TC2N: variants seen among roughly 807,000 people sequenced by gnomAD.
TC2N encodes the protein tandem C2 domains nuclear protein.
TC2N carries 51 observed loss-of-function variants against 61.9 expected under a neutral mutation model. The ratio of observed to expected loss-of-function variants is 0.82; its 90% CI spans 0.66 to 1.04. TC2N has a LOEUF of 1.04. Among genes scored for constraint, TC2N ranks in the 50% least tolerant of loss-of-function variants. The pLI is 0.00. For synonymous variants in TC2N, 204 were observed against 192.6 expected (o/e 1.06, Z -0.49); for missense variants, 556 against 566.7 (o/e 0.98, Z 0.19).
At chr14:91,833,727 G>T (rs1191275482) in intron 1 of TC2N, among the ~76,000 whole-genome samples, 1 of 152,136 alleles carries the variant, frequency 6.6e-6, no homozygotes, top group Admixed American at 6.5e-5. Flanking sequence ...TTATGCATAT[G>T]TTTTACTTTC....
intron 1 of TC2N, among the ~76,000 whole-genome samples, chr14:91,819,986 G>A (rs1775003302): frequency 6.6e-6 from 1 of 151,538 alleles, no homozygotes; most frequent in South Asian, 2.1e-4. Flanking sequence ...AAAGAAAGGG[G>A]GAACAAAGAA....
At chr14:91,822,090 A>G (rs1482666530) in intron 1 of TC2N, among the ~76,000 whole-genome samples, 1 of 152,210 alleles carries the variant, frequency 6.6e-6, no homozygotes, top group Non-Finnish European at 1.5e-5. Context: ...AAACAGTTTG[A>G]CAAGTTTCTA....
rs145086442 is a variant in TC2N at position 91,856,270 on chromosome 14, C to T, written c.-57+10992G>A. Among the ~76,000 whole-genome samples, 936 of 152,238 alleles carry T rather than the reference C, an allele frequency of 6.1e-3. 12 individuals carry two copies. Among genetic ancestry groups the T allele is most frequent in the African/African-American group, 0.021 (884 of 41,544 alleles). ...TTGGGAGGCAGAGGTGGGCGAATCA[C>T]TTGAGGTCAGGAGTTTGAGACCAGC... On this transcript the variant is annotated intron_variant, in intron 1 of 11. Coordinates refer to ENST00000435962, the MANE Select transcript of TC2N (RefSeq NM_001128596.3).
chr14:91,797,582 T>A (rs1885959187), intron 8 of TC2N, among the ~76,000 whole-genome samples: 1 of 152,002 alleles, frequency 6.6e-6, no homozygotes, highest in African/African-American at 2.4e-5. Flanking sequence ...AATAAGATAT[T>A]CTTTTTAAAT....
At chr14:91,826,826 T>C (rs1191681028) in intron 1 of TC2N, among the ~76,000 whole-genome samples, 1 of 152,206 alleles carries the variant, frequency 6.6e-6, no homozygotes, top group Non-Finnish European at 1.5e-5. Context: ...ACTTTTTAAT[T>C]TCTAGAAATG....
chr14:91,823,378 G>C (rs993258501), intron 1 of TC2N, among the ~76,000 whole-genome samples: 19 of 151,652 alleles, frequency 1.3e-4, no homozygotes, highest in African/African-American at 4.4e-4. Context: ...AAATTAGTTG[G>C]GCATGGTGGC....
Position 91,784,545 on chromosome 14 carries a change from G to A in TC2N, c.1362+617C>T, listed in dbSNP as rs181074829. ...GAATTTAAATGTGGTTCAAACAATC[G>A]TAATTAAGGTAAAAGATAATGGACA... On this transcript the variant is annotated intron_variant, in intron 11 of 11. Transcript: ENST00000435962. 8.5e-4 allele frequency among the ~76,000 whole-genome samples: 129 copies of A among 152,148 alleles called. 2 individuals carry two copies. In the East Asian group the frequency reaches 0.019, roughly 22 times the overall value.
chr14:91,823,929 T>C (rs908374239), intron 1 of TC2N, among the ~76,000 whole-genome samples: 3 of 152,230 alleles, frequency 2.0e-5, no homozygotes, highest in Non-Finnish European at 4.4e-5. Flanking sequence ...TTCTTAGGGC[T>C]ATTGTGATGA....
At chr14:91,793,058 G>A (rs916381806) in intron 8 of TC2N, among the ~76,000 whole-genome samples, 3 of 151,992 alleles carry the variant, frequency 2.0e-5, no homozygotes, top group African/African-American at 7.2e-5. Context: ...TTCTCTTTTG[G>A]TGACATTTAT....
Position 91,837,862 on chromosome 14 carries a change from A to G in TC2N, c.-56-24037T>C, listed in dbSNP as rs1365920599. On this transcript the variant is annotated intron_variant, in intron 1 of 11. Coordinates refer to ENST00000435962, the MANE Select transcript of TC2N (RefSeq NM_001128596.3). This position sits in a 1 kb window ranked among gnomAD's most constrained non-coding sequence, Gnocchi z 4.2. ...CTTGGGCATTAGTGTTTCAACAAAC[A>G]CTTTGAAAACCACTGCTTTCAACTC... 6.6e-6 allele frequency among the ~76,000 whole-genome samples: 1 copy of G among 152,238 alleles called. No individual in the cohort carries two copies. The highest frequency in any genetic ancestry group is 1.5e-5 in the Non-Finnish European group (1 of 68,038).
At chr14:91,851,312 G>A (rs117586172) in intron 1 of TC2N, among the ~76,000 whole-genome samples, 2,468 of 152,218 alleles carry the variant, frequency 0.016, 29 homozygotes, top group Middle Eastern at 0.024. Flanking sequence ...GGCAACTTAC[G>A]TTGGTCTTGG....
At chr14:91,850,049 CA>C (rs34245812) in intron 1 of TC2N, among the ~76,000 whole-genome samples, 96,348 of 118,036 alleles carry the variant, frequency 0.82, 40,537 homozygotes, top group Non-Finnish European at 0.93. Flanking sequence ...AACTCCATCT[CA>C]AAAAAAAAAA....
At chr14:91,804,508 C>T (rs142277893) in intron 3 of TC2N, among the ~76,000 whole-genome samples, 78 of 152,224 alleles carry the variant, frequency 5.1e-4, no homozygotes, top group African/African-American at 1.8e-3. Flanking sequence ...ATATGCTACA[C>T]AGAAACACTA....
At chr14:91,836,450 G>A (rs916326637) in intron 1 of TC2N, 2 of 152,308 alleles carry the variant, frequency 1.3e-5, no homozygotes, top group Admixed American at 6.5e-5. Context: ...CGCGCCTCGA[G>A]GTCCTGCCTT....
At chr14:91,831,825 AC>A (rs1887783193) in intron 1 of TC2N, among the ~76,000 whole-genome samples, 1 of 152,068 alleles carries the variant, frequency 6.6e-6, no homozygotes. Flanking sequence ...TTTCCCATAT[AC>A]CCCCCTGCTT....
At chr14:91,812,608 C>T (rs556293508) in intron 2 of TC2N, 63 bp from the exon 3 acceptor site, 1 of 780,744 alleles carries the variant, frequency 1.3e-6, no homozygotes, top group African/African-American at 1.8e-5. Flanking sequence ...TAATCTAAAC[C>T]TAGCATACTT....
intron 1 of TC2N, among the ~76,000 whole-genome samples, chr14:91,849,088 A>C (rs1227058128): frequency 1.3e-5 from 2 of 152,148 alleles, no homozygotes; most frequent in African/African-American, 4.8e-5. Context: ...ATTTAATAGG[A>C]TATTTCCTGA....
chr14:91,842,385 G>A (rs564566473), intron 1 of TC2N, among the ~76,000 whole-genome samples: 2 of 152,354 alleles, frequency 1.3e-5, no homozygotes, highest in South Asian at 2.1e-4. Flanking sequence ...GTCTCCCCAT[G>A]AGAGGGTGAC....
intron 3 of TC2N, among the ~76,000 whole-genome samples, chr14:91,804,459 T>C (rs968940499): frequency 2.0e-5 from 3 of 152,052 alleles, no homozygotes; most frequent in East Asian, 3.8e-4. Flanking sequence ...AACAGTAAAA[T>C]AGATATAGTA....
Sources: allele counts gnomAD v4.1 joint callset (sites outside exome capture counted in the v4.1 genomes callset), GRCh38; gene constraint gnomAD v4.1.1; non-coding constraint Gnocchi (gnomAD v3.1); transcripts MANE v1.5; gene names NCBI Gene and HGNC (gene_info 2026-07-23, HGNC 2026-07-21).